The following COL25A1 variants were observed in gnomAD, a reference collection of about 807,000 sequenced individuals.
COL25A1 encodes collagen alpha-1(XXV) chain.
A neutral mutation model predicts 128.4 loss-of-function variants in COL25A1; 103 were observed. The ratio of observed to expected loss-of-function variants is 0.80; its 90% CI spans 0.68 to 0.94. The LOEUF (loss-of-function observed/expected upper bound fraction) is 0.94. COL25A1 is among the 40% of genes least tolerant of loss of function. The pLI is 0.00. For synonymous variants in COL25A1, 279 were observed against 277.2 expected (o/e 1.01, Z -0.06); for missense variants, 745 against 840.0 (o/e 0.89, Z 1.40).
intron 3 of COL25A1, among the ~76,000 whole-genome samples, chr4:109,148,907 C>T (rs563158665): frequency 6.6e-6 from 1 of 152,068 alleles, no homozygotes. Context: ...TCTTCCTACC[C>T]ACTTCCCTTC....
At chr4:109,091,099 A>C (rs1470527812) in intron 3 of COL25A1, among the ~76,000 whole-genome samples, 1 of 152,216 alleles carries the variant, frequency 6.6e-6, no homozygotes, top group African/African-American at 2.4e-5. Flanking sequence ...CAGTTCAAGG[A>C]AGCAGTTTTT....
chr4:109,290,435 A>G (rs1724353508), intron 3 of COL25A1, among the ~76,000 whole-genome samples: 1 of 152,106 alleles, frequency 6.6e-6, no homozygotes, highest in Non-Finnish European at 1.5e-5. Context: ...AGTACATAAA[A>G]GTCCTGGTCT....
At chr4:108,834,776 G>A (rs528096718) in intron 31 of COL25A1, among the ~76,000 whole-genome samples, 4 of 152,178 alleles carry the variant, frequency 2.6e-5, no homozygotes, top group East Asian at 1.9e-4. Context: ...AGAAAAGAAC[G>A]GTAATTTCCT....
chr4:109,179,838 CTT>C (rs1415599443), intron 3 of COL25A1, among the ~76,000 whole-genome samples: 2 of 152,162 alleles, frequency 1.3e-5, no homozygotes, highest in Non-Finnish European at 2.9e-5. Flanking sequence ...ACAATTAAAA[CTT>C]AATGACAAAA....
intron 35 of COL25A1, among the ~76,000 whole-genome samples, chr4:108,821,331 T>C (rs1731750742): frequency 6.6e-6 from 1 of 152,160 alleles, no homozygotes; most frequent in Admixed American, 6.5e-5. Flanking sequence ...GAAGTCAGGG[T>C]GAAATGAGAG....
chr4:109,027,430 A>C (rs10012573), intron 5 of COL25A1, among the ~76,000 whole-genome samples: 9,786 of 130,046 alleles, frequency 0.075, 387 homozygotes, highest in African/African-American at 0.14. Flanking sequence ...ACAGAGCAGG[A>C]GGGAGGAGAT....
At chr4:109,065,310 C>T (rs1762325424) in intron 3 of COL25A1, among the ~76,000 whole-genome samples, 1 of 152,164 alleles carries the variant, frequency 6.6e-6, no homozygotes, top group Non-Finnish European at 1.5e-5. Context: ...AGTAGGAACA[C>T]TCCCATTCAG....
chr4:108,891,985 A>ATT (rs11284888), intron 16 of COL25A1, among the ~76,000 whole-genome samples: 9 of 150,282 alleles, frequency 6.0e-5, no homozygotes, highest in Non-Finnish European at 1.3e-4. Context: ...ACTAAGGGTG[A>ATT]TTTTTTTTTT....
At chr4:109,227,768 C>G (rs1778903049) in intron 3 of COL25A1, among the ~76,000 whole-genome samples, 1 of 152,096 alleles carries the variant, frequency 6.6e-6, no homozygotes, top group Non-Finnish European at 1.5e-5. Flanking sequence ...TCAGGGTTCT[C>G]CAGAGACAGA....
chr4:108,830,525 C>A (rs1039341623), intron 32 of COL25A1, among the ~76,000 whole-genome samples: 1 of 152,210 alleles, frequency 6.6e-6, no homozygotes, highest in East Asian at 1.9e-4. Context: ...GAGAATCACA[C>A]TCCAGTTTAG....
At chr4:109,041,908 TG>T in intron 5 of COL25A1, among the ~76,000 whole-genome samples, 1 of 152,232 alleles carries the variant, frequency 6.6e-6, no homozygotes, top group Non-Finnish European at 1.5e-5. Flanking sequence ...ATTTTTACTA[TG>T]GTAAGCCACT....
chr4:109,136,799 C>T (rs941612221), intron 3 of COL25A1, among the ~76,000 whole-genome samples: 1 of 152,262 alleles, frequency 6.6e-6, no homozygotes, highest in Non-Finnish European at 1.5e-5. Context: ...TCCCCTCTAA[C>T]AAACAGTATA....
intron 18 of COL25A1, among the ~76,000 whole-genome samples, chr4:108,884,467 C>T (rs917441762): frequency 1.3e-5 from 2 of 152,144 alleles, no homozygotes; most frequent in Admixed American, 1.3e-4. Flanking sequence ...ATTGGTATCT[C>T]CGTCAGATGG....
chr4:109,037,442 G>A (rs1303882654), intron 5 of COL25A1, among the ~76,000 whole-genome samples: 2 of 152,182 alleles, frequency 1.3e-5, no homozygotes, highest in Non-Finnish European at 2.9e-5. Context: ...AGCCTACTCT[G>A]GCTGCCTCTC....
intron 3 of COL25A1, among the ~76,000 whole-genome samples, chr4:109,264,018 G>C (rs55759368): frequency 6.6e-6 from 1 of 151,968 alleles, no homozygotes; most frequent in Admixed American, 6.6e-5. Flanking sequence ...ATAACAAGAA[G>C]TAACAAAAAA....
At chr4:108,846,049 G>A in intron 28 of COL25A1, 90 bp downstream of exon 28, 1 of 828,548 alleles carries the variant, frequency 1.2e-6, no homozygotes, top group Admixed American at 2.1e-5. Flanking sequence ...TGAGATTGCA[G>A]CTAATAATAT....
At chr4:109,052,090 C>T (rs971867009) in intron 3 of COL25A1, among the ~76,000 whole-genome samples, 2 of 152,046 alleles carry the variant, frequency 1.3e-5, no homozygotes, top group African/African-American at 4.8e-5. Context: ...AGCTTATTTG[C>T]CATTTTCTCC....
intron 3 of COL25A1, among the ~76,000 whole-genome samples, chr4:109,076,556 C>A (rs2125988860): frequency 6.6e-6 from 1 of 152,198 alleles, no homozygotes. Flanking sequence ...CTTTTTGGTA[C>A]CAGAGACTGG....
At chr4:109,087,841 A>C (rs1764549901) in intron 3 of COL25A1, among the ~76,000 whole-genome samples, 1 of 152,036 alleles carries the variant, frequency 6.6e-6, no homozygotes, top group Admixed American at 6.6e-5. Flanking sequence ...TGGGTCAAAT[A>C]GCTGCAGTGG....
Sources: allele counts gnomAD v4.1 joint callset (sites outside exome capture counted in the v4.1 genomes callset), GRCh38; gene constraint gnomAD v4.1.1; transcripts MANE v1.5; gene names NCBI Gene and HGNC (gene_info 2026-07-23, HGNC 2026-07-21).